Variants in TFB2M observed in about 807,000 individuals in gnomAD.
TFB2M encodes the protein transcription factor B2, mitochondrial, also known as dimethyladenosine transferase 2, mitochondrial.
In TFB2M, 44 loss-of-function variants were observed where a neutral mutation model predicts 41.3. The observed-to-expected ratio is 1.07, with a 90% CI of 0.84 to 1.37. The LOEUF (loss-of-function observed/expected upper bound fraction) is 1.37, where lower values mean the gene tolerates loss of function less well. TFB2M is among the 40% of genes most tolerant of loss of function. The probability of loss-of-function intolerance (pLI) is 0.00; values close to 1 mark genes in which losing one functional copy is unlikely to be tolerated. For missense variants in TFB2M, 496 were observed against 490.2 expected, an observed-to-expected ratio of 1.01 and a Z score of -0.11; for synonymous variants, 188 against 176.8, an observed-to-expected ratio of 1.06 and a Z score of -0.50.
rs746826714 is a variant in TFB2M at position 246,566,176 on chromosome 1, T to C, written c.-38A>G. The C allele has an allele frequency of 5.1e-6, 8 of 1,582,942 alleles. No individual in the cohort carries two copies. The highest frequency in any genetic ancestry group is 1.4e-5 in the African/African-American group (1 of 74,004). On this transcript the variant is annotated 5_prime_UTR_variant, in exon 1 of 8. Transcript: ENST00000366514. ...CAGGCCCGCTCCAAGAATCACCTAG[T>C]GCAGCTACTACAGTGAACCCCACGC...
chr1:246,541,514 AG>A (rs1658858400), intron 7 of TFB2M, among the ~76,000 whole-genome samples: 1 of 152,198 alleles, frequency 6.6e-6, no homozygotes, highest in Admixed American at 6.5e-5. Context: ...TATTGAAATA[AG>A]AAGAAAAAAA....
intron 2 of TFB2M, 71 bp downstream of exon 2, chr1:246,564,275 A>G (rs1659530990): frequency 1.5e-6 from 2 of 1,347,784 alleles, no homozygotes; most frequent in Admixed American, 1.8e-5. Flanking sequence ...TGTGTGCTTA[A>G]TTCCATTTCC....
intron 4 of TFB2M, among the ~76,000 whole-genome samples, chr1:246,555,743 C>T (rs1340001345): frequency 6.6e-6 from 1 of 152,020 alleles, no homozygotes; most frequent in African/African-American, 2.4e-5. Flanking sequence ...AAGGTAAAAG[C>T]AACCAAATGT....
rs372681306 is a variant in TFB2M at position 246,544,898 on chromosome 1, C to CG, written c.859-218dup. On this transcript the variant is annotated intron_variant, in intron 6 of 7. Coordinates refer to ENST00000366514, the MANE Select transcript of TFB2M (RefSeq NM_022366.3). ...TCCACTCACTGAAAGCTCCATCTCC[C>CG]GGGTTCATGCCATTCTCCTGCCTCA... is the stretch of plus-strand genomic sequence containing the variant. Among the ~76,000 whole-genome samples the CG allele has an allele frequency of 8.5e-5, 13 of 152,246 alleles. 1 individual carries two copies. Among genetic ancestry groups the CG allele is most frequent in the African/African-American group, 2.9e-4 (12 of 41,552 alleles).
chr1:246,541,820 T>C (rs1030410749), intron 7 of TFB2M, among the ~76,000 whole-genome samples: 1 of 152,224 alleles, frequency 6.6e-6, no homozygotes, highest in Non-Finnish European at 1.5e-5. Context: ...TGTTTGGCAG[T>C]TTACAAAGAG....
chr1:246,556,490 T>C, intron 4 of TFB2M, 83 bp downstream of exon 4: 1 of 1,062,980 alleles, frequency 9.4e-7, no homozygotes, highest in Non-Finnish European at 1.3e-6. Flanking sequence ...TCACGAGCCC[T>C]AAATTAAAAT....
intron 6 of TFB2M, among the ~76,000 whole-genome samples, chr1:246,546,670 C>T (rs2102984303): frequency 6.7e-6 from 1 of 148,682 alleles, no homozygotes; most frequent in East Asian, 1.9e-4. Context: ...CCAAACATGG[C>T]ATTAACATAT....
At chr1:246,548,715 G>C in intron 5 of TFB2M, 108 bp from the exon 6 acceptor site, 1 of 946,228 alleles carries the variant, frequency 1.1e-6, no homozygotes. Context: ...AGAATGGTCA[G>C]TCTAATTGGA....
intron 5 of TFB2M, among the ~76,000 whole-genome samples, 179 bp from the exon 6 acceptor site, chr1:246,548,786 G>A (rs1659092501): frequency 6.6e-6 from 1 of 152,100 alleles, no homozygotes; most frequent in Admixed American, 6.5e-5. Context: ...TTTTTAAAGA[G>A]GAGGAGGATC....
In TFB2M at chr1:246,540,789, G is replaced by A. The variant is rs747168264; in HGVS notation, c.*242C>T. 4.3e-4 allele frequency: 156 copies of A among 366,178 alleles called. No individual in the cohort carries two copies. Among genetic ancestry groups the A allele is most frequent in the Non-Finnish European group, 6.9e-4 (141 of 205,300 alleles). 22.7% of individuals were successfully genotyped at this position (366,178 alleles called of 1,614,324 possible). On this transcript the variant is annotated 3_prime_UTR_variant, in exon 8 of 8. Transcript: ENST00000366514. ...TTTAAATAGGAATCTGAAACAAAAC[G>A]AATTCAATCTGATCAAATCCACAAT...
chr1:246,560,613 T>C (rs1572092090), intron 2 of TFB2M, among the ~76,000 whole-genome samples: 1 of 152,248 alleles, frequency 6.6e-6, no homozygotes, highest in Non-Finnish European at 1.5e-5. Context: ...ATTCTTGCTT[T>C]AGCACTTGTC....
chr1:246,545,433 G>A (rs1658989301), intron 6 of TFB2M, among the ~76,000 whole-genome samples: 1 of 152,104 alleles, frequency 6.6e-6, no homozygotes, highest in Non-Finnish European at 1.5e-5. Flanking sequence ...GCTGAGGTGG[G>A]AGGATGGCTT....
chr1:246,561,855 T>C (rs7555249), intron 2 of TFB2M, among the ~76,000 whole-genome samples: 3,517 of 152,316 alleles, frequency 0.023, 139 homozygotes, highest in African/African-American at 0.074. Context: ...ACAATCTTAA[T>C]TACTTTGTGA....
chr1:246,554,958 A>G (rs1484444709), intron 4 of TFB2M, among the ~76,000 whole-genome samples: 1 of 152,238 alleles, frequency 6.6e-6, no homozygotes, highest in Non-Finnish European at 1.5e-5. Context: ...CATGTATGAT[A>G]AGAGATTAAT....
chr1:246,556,638 A>G lies in TFB2M; in HGVS notation c.640T>C (p.Cys214Arg), dbSNP rs1558513287. The change falls in exon 4 of 8, where the codon TGT becomes CGT. Residue 214 changes from cysteine to arginine, a missense_variant. Transcript: ENST00000366514. ...LWKLAYDLYS[C>R]TSIYKFGRIE... ...CGTCCAAATTTATATATAGAAGTAC[A>G]GGAATACAAGTCATATGCGAGTTTC... 1 of 1,574,694 alleles carries G rather than the reference A, an allele frequency of 6.4e-7. No homozygotes were observed. The highest frequency in any genetic ancestry group is 2.3e-5 in the East Asian group (1 of 44,052).
intron 7 of TFB2M, among the ~76,000 whole-genome samples, chr1:246,543,344 C>A (rs937393177): frequency 6.6e-6 from 1 of 152,172 alleles, no homozygotes; most frequent in African/African-American, 2.4e-5. Context: ...CTTACAGGGA[C>A]GTATGCATCA....
chr1:246,549,350 GGGA>G (rs1371288783), intron 5 of TFB2M, among the ~76,000 whole-genome samples: 1 of 152,212 alleles, frequency 6.6e-6, no homozygotes, highest in Non-Finnish European at 1.5e-5. Context: ...GGGAGGCTGA[GGGA>G]GGAGGACCGC....
chr1:246,561,810 T>A (rs1379158430), intron 2 of TFB2M, among the ~76,000 whole-genome samples: 3 of 152,224 alleles, frequency 2.0e-5, no homozygotes, highest in African/African-American at 7.2e-5. Context: ...TGTTACAGAA[T>A]AACAAACTTT....
rs945783036 is a variant in TFB2M, at chr1:246,544,555, C to T, written c.985G>A (p.Gly329Arg). ...IFFHLLKHCF[G>R]RRSATVIDHL... is the part of the protein sequence containing the mutation. The stretch of plus-strand genomic sequence containing the variant: ...TCTATTACAGTGGCGCTGCGCCTCC[C>T]AAAACAGTGCTTTAACAAGTGAAAA... The change falls in exon 7 of 8, where the codon GGG becomes AGG. Residue 329 changes from glycine (G) to arginine (R), a missense_variant. By Grantham distance (125) the Gly-to-Arg change is moderately radical (BLOSUM62 -2). Coordinates refer to ENST00000366514, the MANE Select transcript of TFB2M (RefSeq NM_022366.3). The T allele has an allele frequency of 3.7e-6, 6 of 1,609,494 alleles. No individual in the cohort carries two copies. The highest frequency in any genetic ancestry group is 5.1e-6 in the Non-Finnish European group (6 of 1,178,972).
Sources: gnomAD v4.1 joint callset for allele counts (sites outside exome capture counted in the v4.1 genomes callset) on GRCh38, gnomAD v4.1.1 for gene constraint, MANE v1.5 for transcripts, NCBI Gene and HGNC (gene_info 2026-07-23, HGNC 2026-07-21) for gene names.